The following RBM46 variants were observed in gnomAD, a reference collection of about 807,000 sequenced individuals.
The protein encoded by RBM46 is RNA binding motif protein 46.
Under a neutral mutation model 43.3 loss-of-function variants are expected in RBM46, and 12 were observed. That is an observed-to-expected ratio of 0.28 (90% CI 0.18 to 0.45). RBM46 has a LOEUF of 0.45. Ranked by LOEUF, RBM46 falls within the 20% of genes least tolerant of loss-of-function variation. The pLI, the probability that RBM46 is intolerant of heterozygous loss-of-function variation, is 1.00. For missense variants in RBM46, 412 were observed against 639.1 expected (o/e 0.64, Z 3.83); for synonymous variants, 205 against 207.6 (o/e 0.99, Z 0.11).
chr4:154,801,390 TA>T (rs1182445196), intron 4 of RBM46, among the ~76,000 whole-genome samples: 1 of 152,226 alleles, frequency 6.6e-6, no homozygotes, highest in Non-Finnish European at 1.5e-5. Flanking sequence ...TCATTGAAGC[TA>T]ATAAATTCTT....
chr4:154,813,592 A>T (rs2111187127), intron 4 of RBM46, among the ~76,000 whole-genome samples: 1 of 152,232 alleles, frequency 6.6e-6, no homozygotes, highest in South Asian at 2.1e-4. Flanking sequence ...CCACAGTTAT[A>T]TCTAGCATAA....
intron 4 of RBM46, among the ~76,000 whole-genome samples, chr4:154,802,612 G>A (rs1734692926): frequency 6.6e-6 from 1 of 152,202 alleles, no homozygotes; most frequent in South Asian, 2.1e-4. Flanking sequence ...GTAGTCCAAG[G>A]ATTGAATTGT....
chr4:154,797,003 G>A, intron 2 of RBM46, 100 bp downstream of exon 2: 2 of 957,730 alleles, frequency 2.1e-6, no homozygotes, highest in Non-Finnish European at 3.0e-6. Flanking sequence ...CTCTCTCCTT[G>A]TAACTGCTTT....
Position 154,798,765 on chromosome 4 carries a change from TTA to T in RBM46, c.620-15_620-14del. The T allele has an allele frequency of 2.2e-6, 3 of 1,360,322 alleles. No individual in the cohort carries two copies. The highest frequency in any genetic ancestry group is 2.8e-5 in the African/African-American group (1 of 35,418). The allele number at this position is 1,360,322 out of a possible 1,614,324, so 84.3% of individuals were successfully genotyped here. A position where few individuals can be genotyped will look rare whatever the true frequency, so the allele number is the denominator to read the frequency against. ...CTTTATTTTAATTCTCTTCAAATTA[TTA>T]TTTTTTTTTTACAGGAACATTCCAA... On this transcript the variant is annotated splice_polypyrimidine_tract_variant and intron_variant, in intron 3 of 4. Coordinates refer to ENST00000281722, the MANE Select transcript of RBM46 (RefSeq NM_144979.5).
chr4:154,809,695 C>G (rs1451098012), intron 4 of RBM46, among the ~76,000 whole-genome samples: 10 of 152,088 alleles, frequency 6.6e-5, no homozygotes, highest in Non-Finnish European at 4.4e-5. Context: ...TTGTTTCATA[C>G]TGATGCAGTG....
In RBM46 at chr4:154,785,300, A is replaced by G. The variant is rs900011153; in HGVS notation, c.-12+3864A>G. 4.6e-5 allele frequency among the ~76,000 whole-genome samples: 7 copies of G among 152,128 alleles called. No individual in the cohort carries two copies. In the South Asian group the frequency reaches 1.5e-3, roughly 32 times the overall value. On this transcript the variant is annotated intron_variant, in intron 1 of 4. Coordinates refer to ENST00000281722, the MANE Select transcript of RBM46 (RefSeq NM_144979.5). ...AAGAACCTAAATAATCTCTTTAAAA[A>G]TAGAACTTTAGAGACATGAATTAAC...
chr4:154,784,992 A>G (rs956731791), intron 1 of RBM46, among the ~76,000 whole-genome samples: 1 of 152,212 alleles, frequency 6.6e-6, no homozygotes, highest in Non-Finnish European at 1.5e-5. Flanking sequence ...TTAGAAATAA[A>G]CTTTTGTTAA....
At chr4:154,822,974 A>G (rs1259245402) in intron 4 of RBM46, among the ~76,000 whole-genome samples, 3 of 151,882 alleles carry the variant, frequency 2.0e-5, no homozygotes, top group Non-Finnish European at 4.4e-5. Context: ...ATTTGTACAT[A>G]TTATTCCTTA....
At chr4:154,818,007 C>T (rs916287343) in intron 4 of RBM46, among the ~76,000 whole-genome samples, 1 of 152,034 alleles carries the variant, frequency 6.6e-6, no homozygotes, top group African/African-American at 2.4e-5. Flanking sequence ...ACTTAGTACA[C>T]TTTGACTTCT....
chr4:154,801,682 C>A (rs1313536438), intron 4 of RBM46, among the ~76,000 whole-genome samples: 2 of 152,078 alleles, frequency 1.3e-5, no homozygotes, highest in Admixed American at 6.5e-5. Flanking sequence ...AAAATTCTTA[C>A]AACATAGCCA....
At chr4:154,791,822 T>C (rs1022415365) in intron 1 of RBM46, among the ~76,000 whole-genome samples, 1 of 152,212 alleles carries the variant, frequency 6.6e-6, no homozygotes, top group African/African-American at 2.4e-5. Context: ...TTAAGGTTTC[T>C]TATAAATCTG....
chr4:154,801,062 C>G (rs1021322947), intron 4 of RBM46, among the ~76,000 whole-genome samples: 7 of 151,010 alleles, frequency 4.6e-5, no homozygotes, highest in African/African-American at 1.7e-4. Flanking sequence ...CTCACTGCAA[C>G]CTGTCTCCTG....
chr4:154,788,287 C>T (rs1203110154), intron 1 of RBM46, among the ~76,000 whole-genome samples: 1 of 152,156 alleles, frequency 6.6e-6, no homozygotes, highest in Non-Finnish European at 1.5e-5. Context: ...ATGGTATTGC[C>T]TAGGTTTTCT....
chr4:154,814,303 C>T (rs1196766523), intron 4 of RBM46, among the ~76,000 whole-genome samples: 1 of 151,938 alleles, frequency 6.6e-6, no homozygotes, highest in Admixed American at 6.6e-5. Flanking sequence ...TATTGTCTTG[C>T]CTACTAAATA....
intron 4 of RBM46, among the ~76,000 whole-genome samples, chr4:154,805,013 TC>T (rs1414789734): frequency 6.6e-6 from 1 of 152,070 alleles, no homozygotes; most frequent in African/African-American, 2.4e-5. Context: ...AAGGTATGCT[TC>T]CCTGACCTCA....
At chr4:154,816,006 T>TA (rs1735424869) in intron 4 of RBM46, among the ~76,000 whole-genome samples, 1 of 152,110 alleles carries the variant, frequency 6.6e-6, no homozygotes, top group Non-Finnish European at 1.5e-5. Flanking sequence ...GACTCTGCAG[T>TA]GCCACCTTAA....
At chr4:154,793,024 A>G (rs1479330510) in intron 1 of RBM46, among the ~76,000 whole-genome samples, 3 of 152,252 alleles carry the variant, frequency 2.0e-5, no homozygotes, top group Admixed American at 1.3e-4. Context: ...ACTACCAGTA[A>G]AGTTCCTTGT....
intron 4 of RBM46, among the ~76,000 whole-genome samples, chr4:154,806,269 A>G (rs897196038): frequency 6.6e-6 from 1 of 151,862 alleles, no homozygotes; most frequent in African/African-American, 2.4e-5. Context: ...AAGCAGCTTA[A>G]TAGAATGATT....
At chr4:154,788,482 A>G (rs1471691456) in intron 1 of RBM46, among the ~76,000 whole-genome samples, 1 of 152,192 alleles carries the variant, frequency 6.6e-6, no homozygotes, top group Non-Finnish European at 1.5e-5. Context: ...GGTTTGTCAA[A>G]GATCAGATGG....
Sources: allele counts gnomAD v4.1 joint callset (sites outside exome capture counted in the v4.1 genomes callset), GRCh38; gene constraint gnomAD v4.1.1; transcripts MANE v1.5; gene names NCBI Gene and HGNC (gene_info 2026-07-23, HGNC 2026-07-21).